CCDC158: variants seen among roughly 807,000 people sequenced by gnomAD.
CCDC158 encodes the protein coiled-coil domain containing 158.
Under a neutral mutation model 138.6 loss-of-function variants are expected in CCDC158, and 116 were observed. That is an observed-to-expected ratio of 0.84 (90% CI 0.72 to 0.98). The LOEUF (loss-of-function observed/expected upper bound fraction) is 0.98. CCDC158 is among the 50% of genes least tolerant of loss of function. The pLI, the probability that CCDC158 is intolerant of heterozygous loss-of-function variation, is 0.00. For missense variants in CCDC158, 1,265 were observed against 1,306.1 expected (o/e 0.97, Z 0.48); for synonymous variants, 436 against 442.4 (o/e 0.99, Z 0.18).
intron 10 of CCDC158, among the ~76,000 whole-genome samples, chr4:76,370,900 C>T (rs1459002315): frequency 2.6e-5 from 4 of 151,986 alleles, no homozygotes; most frequent in Non-Finnish European, 4.4e-5. Context: ...TTTGGTAAGC[C>T]GAGAAATTTA....
chr4:76,368,159 C>T (rs1024527415), intron 11 of CCDC158, among the ~76,000 whole-genome samples: 3 of 152,066 alleles, frequency 2.0e-5, no homozygotes, highest in South Asian at 2.1e-4. Flanking sequence ...TCCTCCACAA[C>T]GGTGTTCTAG....
chr4:76,419,367 C>T (rs1053281965), intron 1 of CCDC158, among the ~76,000 whole-genome samples: 10 of 152,160 alleles, frequency 6.6e-5, no homozygotes, highest in Non-Finnish European at 8.8e-5. Flanking sequence ...GATTTATGAG[C>T]ACGCTCATAT....
intron 24 of CCDC158, among the ~76,000 whole-genome samples, chr4:76,319,465 AATATATATATATATATATATATATATAT>A (rs1304922131): frequency 1.8e-3 from 39 of 22,244 alleles, no homozygotes; most frequent in South Asian, 5.1e-3. Context: ...AAAAAAAAAA[AATATATATATATATATATATATATATAT>A]ATATATATAT....
intron 23 of CCDC158, among the ~76,000 whole-genome samples, chr4:76,324,658 T>C (rs1159010681): frequency 2.6e-5 from 4 of 152,114 alleles, no homozygotes; most frequent in African/African-American, 9.7e-5. Flanking sequence ...AAAGGTAACA[T>C]GGAGGCCGAA....
intron 8 of CCDC158, among the ~76,000 whole-genome samples, chr4:76,381,877 T>C (rs1726282165): frequency 6.6e-6 from 1 of 152,038 alleles, no homozygotes; most frequent in African/African-American, 2.4e-5. Context: ...GAGACAGGGT[T>C]TCACCGTGTT....
Position 76,382,716 on chromosome 4 carries a change from C to G in CCDC158, c.808G>C (p.Glu270Gln). The G allele has an allele frequency of 6.3e-7, 1 of 1,596,460 alleles. No homozygotes were observed. Among genetic ancestry groups the G allele is most frequent in the Non-Finnish European group, 8.6e-7 (1 of 1,165,614 alleles). ...ACTTCATGTTCACTTATTAACTGCT[C>G]AATCCTATAAAAAGAATGTGGTGAT... is the stretch of plus-strand genomic sequence containing the variant. ...LLLQQHQDRI[E>Q]QLISEHEVEI... Residue 270 changes from glutamate (E) to glutamine (Q), a missense_variant, in exon 8 of 25, where the codon GAG (glutamate) becomes CAG (glutamine). Coordinates refer to ENST00000682701, the MANE Select transcript of CCDC158 (RefSeq NM_001394954.1).
intron 18 of CCDC158, among the ~76,000 whole-genome samples, chr4:76,340,387 C>A (rs180975230): frequency 1.3e-5 from 2 of 152,210 alleles, no homozygotes; most frequent in Admixed American, 6.5e-5. Context: ...GTGAATAAAC[C>A]AGGTGCACTG....
At chr4:76,344,762 T>C (rs1173058095) in intron 18 of CCDC158, 70 of 1,612,448 alleles carry the variant, frequency 4.3e-5, no homozygotes, top group Non-Finnish European at 5.9e-5. Context: ...ATGCTGGGCT[T>C]ATTATTCCAC....
intron 22 of CCDC158, among the ~76,000 whole-genome samples, chr4:76,328,389 A>T (rs189398498): frequency 6.6e-6 from 1 of 152,372 alleles, no homozygotes; most frequent in Admixed American, 6.5e-5. Flanking sequence ...GAAGATGCTA[A>T]GAGTAACTGA....
At position 76,367,577 on chromosome 4, in the gene CCDC158, T is replaced by C. The variant is rs779119854; in HGVS notation, c.1547A>G (p.Asn516Ser). The C allele has an allele frequency of 7.4e-6, 12 of 1,614,246 alleles. No individual in the cohort carries two copies. Among genetic ancestry groups the C allele is most frequent in the Non-Finnish European group, 1.0e-5 (12 of 1,180,046 alleles). Residue 516 changes from asparagine to serine, a missense_variant, in exon 12 of 25, where the codon AAT becomes AGT. Transcript: ENST00000682701. ...QEKERAIEAT[N>S]AEITKLRSRV... ...GGAGCGGAGCTTTGTGATCTCTGCA[T>C]TGGTAGCCTCGATGGCTCTCTCTTT... is the stretch of plus-strand genomic sequence containing the variant.
chr4:76,313,867 A>T (rs2110050059), intron 24 of CCDC158, among the ~76,000 whole-genome samples: 1 of 152,316 alleles, frequency 6.6e-6, no homozygotes, highest in Middle Eastern at 3.4e-3. Flanking sequence ...AACGTCAATA[A>T]GTTTCCAGTT....
At chr4:76,345,729 T>A (rs1386196739) in intron 18 of CCDC158, 7 of 561,614 alleles carry the variant, frequency 1.2e-5, no homozygotes, top group Non-Finnish European at 2.2e-5. Context: ...TTTCTACAAA[T>A]CTTAAAAAAG....
chr4:76,384,642 T>C lies in CCDC158; in HGVS notation c.312A>G (p.Gln104=), dbSNP rs1287211151. The C allele has an allele frequency of 2.5e-6, 4 of 1,613,048 alleles. No individual in the cohort carries two copies. Among genetic ancestry groups the C allele is most frequent in the Non-Finnish European group, 3.4e-6 (4 of 1,179,712 alleles). The change falls in exon 5 of 25, where the codon CAA becomes CAG. Residue 104 remains glutamine (Q), a synonymous_variant. Coordinates refer to ENST00000682701, the MANE Select transcript of CCDC158 (RefSeq NM_001394954.1). Reference sequence around the variant, plus strand: ...TGACTGACTGCCTCAAATAAAACTTTTGTTTCTCATGCAATTCATTGCTCT... The same window carrying C: ...TGACTGACTGCCTCAAATAAAACTTCTGTTTCTCATGCAATTCATTGCTCT... ...LNESNELHEK[Q]KFYLRQSVID...
At chr4:76,412,262 T>C (rs1246744277) in intron 1 of CCDC158, 130 bp from the exon 2 acceptor site, 1 of 152,186 alleles carries the variant, frequency 6.6e-6, no homozygotes, top group Non-Finnish European at 1.5e-5. Context: ...AAAACACACA[T>C]ATAACAATGG....
At chr4:76,359,570 C>T (rs114750681) in intron 13 of CCDC158, among the ~76,000 whole-genome samples, 7,005 of 152,260 alleles carry the variant, frequency 0.046, 374 homozygotes, top group East Asian at 0.23. Context: ...ATCATTCTTG[C>T]TATGCTTTAG....
Position 76,367,684 on chromosome 4 carries a change from T to C in CCDC158, c.1440A>G (p.Val480=), listed in dbSNP as rs778945417. 24 of 1,614,094 alleles carry C rather than the reference T, an allele frequency of 1.5e-5. No individual in the cohort carries two copies. Among genetic ancestry groups the C allele is most frequent in the Non-Finnish European group, 1.7e-5 (20 of 1,180,046 alleles). ...LESTKEMLRK[V]VEELTAKKMT... Reference sequence around the variant, plus strand: ...TTTTCTTGGCTGTCAACTCTTCTACTACTTTGCGCAGCATCTCTTTGGTGG... The same window carrying C: ...TTTTCTTGGCTGTCAACTCTTCTACCACTTTGCGCAGCATCTCTTTGGTGG... The change falls in exon 12 of 25, where the codon GTA becomes GTG. Residue 480 remains valine, a synonymous_variant. Coordinates refer to ENST00000682701, the MANE Select transcript of CCDC158 (RefSeq NM_001394954.1).
chr4:76,371,210 G>A (rs1039166264), intron 10 of CCDC158, among the ~76,000 whole-genome samples: 6 of 152,122 alleles, frequency 3.9e-5, no homozygotes, highest in Non-Finnish European at 8.8e-5. Flanking sequence ...ACCTAATACT[G>A]TAATAGCTCT....
At chr4:76,415,365 T>C (rs761099381) in intron 1 of CCDC158, among the ~76,000 whole-genome samples, 5 of 152,100 alleles carry the variant, frequency 3.3e-5, no homozygotes, top group African/African-American at 9.7e-5. Context: ...TTGGAAAATT[T>C]GCAGCCTGAC....
Position 76,334,116 on chromosome 4 carries a change from G to C in CCDC158, c.2716C>G (p.Gln906Glu), listed in dbSNP as rs1288977453. The C allele has an allele frequency of 2.5e-6, 4 of 1,613,506 alleles. No individual in the cohort carries two copies. Among genetic ancestry groups the C allele is most frequent in the Non-Finnish European group, 2.5e-6 (3 of 1,179,644 alleles). ...ACGCTTCTCAACTCTTGGAGAAGCT[G>C]TTTCAGGTCCCTTGTTGGATCTTCC... The part of the protein sequence containing the change: ...LKEDPTRDLK[Q>E]LLQELRSVIN... Residue 906 changes from glutamine to glutamate, a missense_variant, in exon 19 of 25, where the codon CAG becomes GAG. Transcript: ENST00000682701.
Sources: gnomAD v4.1 joint callset for allele counts (sites outside exome capture counted in the v4.1 genomes callset) on GRCh38, gnomAD v4.1.1 for gene constraint, MANE v1.5 for transcripts, NCBI Gene and HGNC (gene_info 2026-07-23, HGNC 2026-07-21) for gene names.